TBC1D5: variants seen among roughly 807,000 people sequenced by gnomAD.
TBC1D5 encodes TBC1 domain family member 5.
Under a neutral mutation model 100.3 loss-of-function variants are expected in TBC1D5, and 75 were observed. That is an observed-to-expected ratio of 0.75 (90% CI 0.62 to 0.91). The LOEUF is 0.91. Ranked by LOEUF, TBC1D5 falls within the 40% of genes least tolerant of loss-of-function variation. TBC1D5 has a pLI of 0.00. For missense variants in TBC1D5, 910 were observed against 942.4 expected (o/e 0.97, Z 0.45); for synonymous variants, 323 against 325.6 (o/e 0.99, Z 0.09).
At chr3:17,178,214 C>T (rs970029415) in intron 19 of TBC1D5, among the ~76,000 whole-genome samples, 6 of 152,186 alleles carry the variant, frequency 3.9e-5, no homozygotes, top group South Asian at 2.1e-4. Context: ...TACATGCGCC[C>T]ACCACCACGC....
At chr3:17,225,449 A>C (rs960289020) in intron 17 of TBC1D5, among the ~76,000 whole-genome samples, 14 of 151,152 alleles carry the variant, frequency 9.3e-5, no homozygotes, top group East Asian at 1.9e-4. Context: ...CAAAAAAAAA[A>C]AAAAAAACAA....
At chr3:17,668,165 T>C (rs1560420008) in intron 1 of TBC1D5, among the ~76,000 whole-genome samples, 1 of 148,164 alleles carries the variant, frequency 6.7e-6, no homozygotes, top group African/African-American at 2.5e-5. Context: ...TATATATATA[T>C]ATTTAAGATA....
chr3:17,634,627 A>G (rs1016747565), intron 1 of TBC1D5, among the ~76,000 whole-genome samples: 1 of 130,116 alleles, frequency 7.7e-6, no homozygotes, highest in East Asian at 2.1e-4. Flanking sequence ...CTAATAGGGT[A>G]AAAAAAAAAA....
In TBC1D5 at chr3:17,539,050, G is replaced by A. The variant is rs1440336485; in HGVS notation, c.-35-30445C>T. ...TACAAAAAATTAGCCAGGCATGATG[G>A]TGCATGCCTGTAATTCCAGCTACTC... On this transcript the variant is annotated intron_variant, in intron 2 of 21. Coordinates refer to ENST00000253692, the Ensembl canonical transcript of TBC1D5. Among the ~76,000 whole-genome samples, 13 of 152,266 alleles carry A rather than the reference G, an allele frequency of 8.5e-5. No individual in the cohort carries two copies. In the East Asian group the frequency reaches 2.1e-3, roughly 25 times the overall value.
intron 5 of TBC1D5, among the ~76,000 whole-genome samples, chr3:17,405,681 A>C (rs143539480): frequency 6.6e-6 from 1 of 152,084 alleles, no homozygotes; most frequent in Non-Finnish European, 1.5e-5. Flanking sequence ...AGAAAAGTGT[A>C]TTTTAATTAT....
intron 19 of TBC1D5, among the ~76,000 whole-genome samples, chr3:17,176,940 C>A (rs144445324): frequency 7.9e-5 from 12 of 152,138 alleles, no homozygotes; most frequent in Admixed American, 1.3e-4. Context: ...AATGCTACCC[C>A]CTGTGGGAGT....
At chr3:17,197,637 A>G (rs2070878749) in intron 18 of TBC1D5, among the ~76,000 whole-genome samples, 1 of 152,056 alleles carries the variant, frequency 6.6e-6, no homozygotes, top group African/African-American at 2.4e-5. Flanking sequence ...CTCTCAAAGC[A>G]CTGGGATTAC....
chr3:17,617,390 AAG>A (rs1201232688), intron 2 of TBC1D5, among the ~76,000 whole-genome samples: 1 of 151,952 alleles, frequency 6.6e-6, no homozygotes, highest in African/African-American at 2.4e-5. Flanking sequence ...GAATTTTTCC[AAG>A]GAGTATCTTT....
chr3:17,463,091 A>G (rs1157467996), intron 3 of TBC1D5, among the ~76,000 whole-genome samples: 2 of 152,194 alleles, frequency 1.3e-5, no homozygotes, highest in Non-Finnish European at 2.9e-5. Flanking sequence ...AAATAATGTT[A>G]AAAAACCTCC....
intron 3 of TBC1D5, among the ~76,000 whole-genome samples, chr3:17,437,028 T>C (rs192522892): frequency 4.5e-4 from 67 of 147,572 alleles, no homozygotes; most frequent in Non-Finnish European, 9.1e-4. Context: ...GTGGGAGGTG[T>C]TTAGGTCAGG....
chr3:17,327,232 T>TG (rs1439630304), intron 13 of TBC1D5, among the ~76,000 whole-genome samples: 2 of 152,170 alleles, frequency 1.3e-5, no homozygotes, highest in Admixed American at 6.5e-5. Context: ...TTACTTCTAG[T>TG]GAAAAAAAAG....
intron 13 of TBC1D5, among the ~76,000 whole-genome samples, chr3:17,328,347 G>A (rs1409797136): frequency 1.3e-5 from 2 of 152,062 alleles, no homozygotes; most frequent in East Asian, 1.9e-4. Context: ...AGATGAGATA[G>A]CTGTTTTTAC....
intron 2 of TBC1D5, among the ~76,000 whole-genome samples, chr3:17,523,983 T>G (rs2096096228): frequency 6.6e-6 from 1 of 152,212 alleles, no homozygotes; most frequent in South Asian, 2.1e-4. Flanking sequence ...AATGATTTTT[T>G]AAAAGGTTCA....
chr3:17,563,447 G>A (rs577544218), intron 2 of TBC1D5, among the ~76,000 whole-genome samples: 21 of 152,274 alleles, frequency 1.4e-4, no homozygotes, highest in Non-Finnish European at 2.5e-4. Context: ...AATGAATCAG[G>A]AAAATCAGGA....
intron 2 of TBC1D5, among the ~76,000 whole-genome samples, chr3:17,510,234 C>A (rs1230022972): frequency 2.0e-5 from 3 of 151,848 alleles, no homozygotes; most frequent in African/African-American, 4.8e-5. Flanking sequence ...GACCTTTTAC[C>A]AAAACAAAAT....
At chr3:17,689,286 T>A (rs2070749976) in intron 1 of TBC1D5, among the ~76,000 whole-genome samples, 1 of 152,068 alleles carries the variant, frequency 6.6e-6, no homozygotes, top group Admixed American at 6.5e-5. Context: ...ACGACTGTAA[T>A]CCCAGCACTT....
chr3:17,573,743 GA>G (rs2096641022), intron 2 of TBC1D5, among the ~76,000 whole-genome samples: 1 of 151,856 alleles, frequency 6.6e-6, no homozygotes, highest in Admixed American at 6.6e-5. Context: ...CACTCTCAGG[GA>G]AGTTTCCTTG....
chr3:17,261,470 G>A (rs1442424389), intron 15 of TBC1D5, among the ~76,000 whole-genome samples: 2 of 148,938 alleles, frequency 1.3e-5, no homozygotes, highest in Non-Finnish European at 2.9e-5. Context: ...CCTTTTTTGG[G>A]GGGTGGGGTG....
At chr3:17,205,199 A>G (rs2071997297) in intron 18 of TBC1D5, among the ~76,000 whole-genome samples, 1 of 152,218 alleles carries the variant, frequency 6.6e-6, no homozygotes, top group South Asian at 2.1e-4. Context: ...TATCATTAAC[A>G]CTACTGATTA....
Sources: gnomAD v4.1 joint callset for allele counts (sites outside exome capture counted in the v4.1 genomes callset) on GRCh38, gnomAD v4.1.1 for gene constraint, MANE v1.5 for transcripts, NCBI Gene and HGNC (gene_info 2026-07-23, HGNC 2026-07-21) for gene names.